Variants in DCT observed in about 807,000 individuals in gnomAD.
DCT encodes the protein L-dopachrome tautomerase.
A neutral mutation model predicts 53.0 loss-of-function variants in DCT; 47 were observed. That is an observed-to-expected ratio of 0.89 (90% CI 0.70 to 1.13). The LOEUF (loss-of-function observed/expected upper bound fraction) is 1.13. DCT is among the 50% of genes most tolerant of loss of function. The probability of loss-of-function intolerance (pLI) is 0.00; values close to 1 mark genes in which losing one functional copy is unlikely to be tolerated. For missense variants in DCT, 669 were observed against 637.4 expected, an observed-to-expected ratio of 1.05 and a Z score of -0.53; for synonymous variants, 244 against 237.0, an observed-to-expected ratio of 1.03 and a Z score of -0.27.
intron 2 of DCT, chr13:94,467,154 C>T (rs1884277247): frequency 6.6e-6 from 1 of 152,320 alleles, no homozygotes; most frequent in Admixed American, 6.5e-5. Context: ...AAAGAACTTT[C>T]GCGTATTTTG....
chr13:94,458,713 A>G (rs1230918917), intron 6 of DCT, among the ~76,000 whole-genome samples: 2 of 151,962 alleles, frequency 1.3e-5, no homozygotes, highest in Non-Finnish European at 2.9e-5. Context: ...GAGGCAGAAG[A>G]ATCACTTGAA....
At chr13:94,488,017 C>T in the DCT span, among the ~76,000 whole-genome samples, 4 of 152,028 alleles carry the variant, frequency 2.6e-5, no homozygotes, top group Non-Finnish European at 5.9e-5. Flanking sequence ...TGTGTTTATA[C>T]ACCAAACACT....
intron 6 of DCT, among the ~76,000 whole-genome samples, chr13:94,459,382 G>A (rs1018708633): frequency 6.6e-6 from 1 of 152,142 alleles, no homozygotes; most frequent in Non-Finnish European, 1.5e-5. Context: ...AATGCCATCG[G>A]TGAAGGCATT....
the DCT span, among the ~76,000 whole-genome samples, chr13:94,547,567 T>C: frequency 6.6e-6 from 1 of 152,038 alleles, no homozygotes; most frequent in Non-Finnish European, 1.5e-5. Flanking sequence ...TCACTAACAT[T>C]ACCTTGGGCA....
At chr13:94,505,110 A>T in the DCT span, among the ~76,000 whole-genome samples, 1 of 151,798 alleles carries the variant, frequency 6.6e-6, no homozygotes. Context: ...GTTTATAAGA[A>T]CAAATTGTCT....
the DCT span, among the ~76,000 whole-genome samples, chr13:94,488,115 A>G: frequency 1.3e-5 from 2 of 151,742 alleles, no homozygotes; most frequent in African/African-American, 2.4e-5. Context: ...TTATTTTATC[A>G]TTGTTTTTTA....
At chr13:94,488,721 TATACACAC>T in the DCT span, among the ~76,000 whole-genome samples, 106 of 74,652 alleles carry the variant, frequency 1.4e-3, no homozygotes, top group South Asian at 2.3e-3. Flanking sequence ...TTGTCTAATA[TATACACAC>T]ACACACACAC....
the DCT span, among the ~76,000 whole-genome samples, chr13:94,530,317 C>T: frequency 6.6e-6 from 1 of 152,294 alleles, no homozygotes; most frequent in African/African-American, 2.4e-5. Flanking sequence ...ATACCAAAGA[C>T]TGGTAGAGAC....
chr13:94,546,884 G>A, the DCT span, among the ~76,000 whole-genome samples: 1 of 152,066 alleles, frequency 6.6e-6, no homozygotes. This position sits in a 1 kb window ranked among gnomAD's most constrained non-coding sequence, Gnocchi z 4.2. Flanking sequence ...TGCCTCAAGT[G>A]AGCATGGGTA....
At chr13:94,539,086 A>C in the DCT span, among the ~76,000 whole-genome samples, 2 of 152,172 alleles carry the variant, frequency 1.3e-5, no homozygotes, top group African/African-American at 4.8e-5. Flanking sequence ...CTTTTCACAA[A>C]ATTCTTAGTC....
chr13:94,516,704 A>G, the DCT span, among the ~76,000 whole-genome samples: 3 of 152,124 alleles, frequency 2.0e-5, no homozygotes, highest in Admixed American at 6.5e-5. Flanking sequence ...TAGAAGAGGA[A>G]CAGATACTTG....
At chr13:94,445,952 C>G (rs553236530) in intron 6 of DCT, among the ~76,000 whole-genome samples, 3 of 152,072 alleles carry the variant, frequency 2.0e-5, no homozygotes, top group Non-Finnish European at 2.9e-5. Context: ...GATGCCACCC[C>G]CTTTTCCTGG....
intron 4 of DCT, among the ~76,000 whole-genome samples, chr13:94,463,228 C>A (rs1462720068): frequency 6.6e-6 from 1 of 151,858 alleles, no homozygotes; most frequent in African/African-American, 2.4e-5. Context: ...CCTTGAACTC[C>A]TGGGCTCAAG....
chr13:94,518,144 AGG>A, the DCT span, among the ~76,000 whole-genome samples: 211 of 146,680 alleles, frequency 1.4e-3, 2 homozygotes, highest in African/African-American at 4.0e-3. Flanking sequence ...GAAGGAAGGA[AGG>A]AAGGAAGGAA....
chr13:94,482,864 A>C (rs1885504289), upstream of DCT, among the ~76,000 whole-genome samples: 10 of 152,188 alleles, frequency 6.6e-5, no homozygotes, highest in Admixed American at 6.5e-4. Flanking sequence ...CCACCAACCC[A>C]ACATCACTAC....
At position 94,439,896 on chromosome 13, in the gene DCT, C is replaced by A. The variant is rs1327869553; in HGVS notation, c.*2G>T. On this transcript the variant is annotated 3_prime_UTR_variant, in exon 8 of 8. Coordinates refer to ENST00000377028, the MANE Select transcript of DCT (RefSeq NM_001922.5). ...TCTTCTCTTAGGTAAGGCATGAGCA[C>A]CCTAGGCTTCTTCTGTGTATCTCTT... 6.2e-7 allele frequency: 1 copy of A among 1,612,420 alleles called. No homozygotes were observed. Among genetic ancestry groups the A allele is most frequent in the Non-Finnish European group, 8.5e-7 (1 of 1,179,234 alleles).
chr13:94,450,231 T>C (rs1048248257), intron 6 of DCT, among the ~76,000 whole-genome samples: 1 of 152,132 alleles, frequency 6.6e-6, no homozygotes, highest in African/African-American at 2.4e-5. Context: ...TCCAGAACTG[T>C]GAGAAATAAA....
the DCT span, among the ~76,000 whole-genome samples, chr13:94,488,237 A>G: frequency 2.6e-5 from 4 of 152,128 alleles, no homozygotes; most frequent in Non-Finnish European, 4.4e-5. Context: ...ATACAGTTCT[A>G]TGGGAGGGAA....
At chr13:94,534,930 A>G in the DCT span, among the ~76,000 whole-genome samples, 2 of 152,180 alleles carry the variant, frequency 1.3e-5, no homozygotes, top group African/African-American at 4.8e-5. Flanking sequence ...TGTTTTAGAG[A>G]CAAGGTCTTG....
Sources: allele counts gnomAD v4.1 joint callset (sites outside exome capture counted in the v4.1 genomes callset), GRCh38; gene constraint gnomAD v4.1.1; non-coding constraint Gnocchi (gnomAD v3.1); transcripts MANE v1.5; gene names NCBI Gene and HGNC (gene_info 2026-07-23, HGNC 2026-07-21).